The following PIMREG variants were observed in gnomAD, a reference collection of about 807,000 sequenced individuals.
PIMREG encodes the protein protein PIMREG.
PIMREG carries 19 observed loss-of-function variants against 24.3 expected under a neutral mutation model. The observed-to-expected ratio is 0.78, with a 90% confidence interval of 0.54 to 1.15. The LOEUF (loss-of-function observed/expected upper bound fraction) is 1.15. PIMREG is among the 50% of genes most tolerant of loss of function. The pLI is 0.00. For missense variants in PIMREG, 283 were observed against 306.8 expected (o/e 0.92, Z 0.58); for synonymous variants, 112 against 124.1 (o/e 0.90, Z 0.65).
chr17:6,450,976 A>G lies in PIMREG; in HGVS notation c.*629A>G, dbSNP rs2150707962. The G allele has an allele frequency of 6.5e-6, 1 of 152,672 alleles. No individual in the cohort carries two copies. Among genetic ancestry groups the G allele is most frequent in the South Asian group, 2.1e-4 (1 of 4,828 alleles). The allele number at this position is 152,672 out of a possible 1,614,324, so 9.5% of individuals were successfully genotyped here. A position where few individuals can be genotyped will look rare whatever the true frequency, so the allele number is the denominator to read the frequency against. ...TCTGCCCTTTGTAAATTATTTAAGA[A>G]ACCTGCTTTGTCATTTTATTAGAAA... On this transcript the variant is annotated 3_prime_UTR_variant, in exon 6 of 6. Transcript: ENST00000572447.
chr17:6,446,188 G>C (rs931390613), intron 2 of PIMREG: 1 of 401,110 alleles, frequency 2.5e-6, no homozygotes, highest in African/African-American at 2.1e-5. Context: ...TATATTGGAT[G>C]TAAGTGTCTG....
At chr17:6,449,244 C>G in intron 3 of PIMREG, 68 bp from the exon 4 acceptor site, 2 of 1,385,874 alleles carry the variant, frequency 1.4e-6, no homozygotes, top group South Asian at 1.3e-5. Flanking sequence ...CACCCCGGTA[C>G]CGGGTTGCAA....
At chr17:6,445,925 G>T (rs554327028) in intron 2 of PIMREG, among the ~76,000 whole-genome samples, 1 of 152,338 alleles carries the variant, frequency 6.6e-6, no homozygotes, top group African/African-American at 2.4e-5. Context: ...AGGGGGAAAG[G>T]ATATGAAGGA....
intron 2 of PIMREG, among the ~76,000 whole-genome samples, chr17:6,446,747 G>A (rs1913585710): frequency 6.6e-6 from 1 of 152,222 alleles, no homozygotes; most frequent in African/African-American, 2.4e-5. Context: ...AGGGTGGATA[G>A]AGTGAGTGAG....
chr17:6,447,570 C>CA lies in PIMREG; in HGVS notation c.403dup (p.Ser135LysfsTer66), dbSNP rs766613311. On this transcript the variant is annotated frameshift_variant, in exon 3 of 6. Coordinates refer to ENST00000572447, the MANE Select transcript of PIMREG (RefSeq NM_019013.3). LOFTEE classifies it high-confidence loss of function. The stretch of plus-strand genomic sequence containing the variant: ...AGAAGGGCAGTGGATCCCCAACTCA[C>CA]AGCCTGAGCCAGAAGAGCACCCGGC... The CA allele has an allele frequency of 7.4e-6, 12 of 1,614,164 alleles. No homozygotes were observed. Among genetic ancestry groups the CA allele is most frequent in the Non-Finnish European group, 1.0e-5 (12 of 1,180,024 alleles).
chr17:6,446,730 A>G (rs1477781668), intron 2 of PIMREG, among the ~76,000 whole-genome samples: 1 of 152,218 alleles, frequency 6.6e-6, no homozygotes, highest in Admixed American at 6.5e-5. Flanking sequence ...ACTATGGACC[A>G]CTGTGGAGGG....
At chr17:6,450,308 C>A in intron 5 of PIMREG, 54 bp from the exon 6 acceptor site, 1 of 1,458,548 alleles carries the variant, frequency 6.9e-7, no homozygotes, top group Non-Finnish European at 9.3e-7. Flanking sequence ...CAGGGAAAGG[C>A]ATCCCTACTT....
Position 6,448,054 on chromosome 17 carries a change from C to T in PIMREG, c.590+296C>T, listed in dbSNP as rs536725798. Among the ~76,000 whole-genome samples, 13 of 152,118 alleles carry T rather than the reference C, an allele frequency of 8.5e-5. No homozygotes were observed. In the South Asian group the frequency reaches 1.9e-3, roughly 22 times the overall value. Reference sequence around the variant, plus strand: ...ATCCCAGCACTTTGGGAGGCCGAGGCGGGTGGATCACCTGAGGTCAGGAGT... The same window carrying T: ...ATCCCAGCACTTTGGGAGGCCGAGGTGGGTGGATCACCTGAGGTCAGGAGT... On this transcript the variant is annotated intron_variant, in intron 3 of 5. Transcript: ENST00000572447.
In PIMREG at chr17:6,450,184, C is replaced by A. The variant is rs185387705; in HGVS notation, c.*14+112C>A. ...GATGGGCACAGCAGAGTAGGTAGTA[C>A]CTACTTGCCGCTTGAAGCCAGAGCT... On this transcript the variant is annotated intron_variant, in intron 5 of 5. Coordinates refer to ENST00000572447, the MANE Select transcript of PIMREG (RefSeq NM_019013.3). 2,960 of 1,270,438 alleles carry A rather than the reference C, an allele frequency of 2.3e-3. 5 individuals carry two copies. Among genetic ancestry groups the A allele is most frequent in the Non-Finnish European group, 2.1e-3 (1,810 of 881,080 alleles). The allele number at this position is 1,270,438 out of a possible 1,614,324, so 78.7% of individuals were successfully genotyped here.
chr17:6,446,907 G>A (rs1171507214), intron 2 of PIMREG, among the ~76,000 whole-genome samples: 1 of 152,200 alleles, frequency 6.6e-6, no homozygotes, highest in African/African-American at 2.4e-5. Flanking sequence ...CAGGCACCAG[G>A]GGGGTCCTCC....
Position 6,447,591 on chromosome 17 carries a change from C to T in PIMREG, c.423C>T (p.Thr141=), listed in dbSNP as rs149386182. Residue 141 remains threonine, a synonymous_variant, in exon 3 of 6, where the codon ACC becomes ACT. Transcript: ENST00000572447. ...CTCACAGCCTGAGCCAGAAGAGCACCCGGCTGTCTGGAGCCGCCCCTGCCC... is the reference window on the plus strand; with the variant it reads ...CTCACAGCCTGAGCCAGAAGAGCACTCGGCTGTCTGGAGCCGCCCCTGCCC... ...SPTHSLSQKS[T]RLSGAAPAHS... is the part of the protein sequence containing the mutation. 30 of 1,614,082 alleles carry T rather than the reference C, an allele frequency of 1.9e-5. No homozygotes were observed. The African/African-American group carries it at 3.7e-4, about 20-fold the overall frequency.
rs1233437656 is a variant in PIMREG, at chr17:6,447,706, G to A, written c.538G>A (p.Glu180Lys). 1 of 1,613,774 alleles carries A rather than the reference G, an allele frequency of 6.2e-7. No individual in the cohort carries two copies. ...CCACCCATTACGGCGATCAAGGCGG[G>A]AGGCTGCCTTCCGGAGCCCCTACTC... Reference protein sequence around the residue: ...HAHPLRRSRREAAFRSPYSST... With the variant: ...HAHPLRRSRRKAAFRSPYSST... The change falls in exon 3 of 6, where the codon GAG (glutamate) becomes AAG (lysine). Residue 180 changes from glutamate (E) to lysine (K), a missense_variant. By Grantham distance (56) the Glu-to-Lys change is moderately conservative. Coordinates refer to ENST00000572447, the MANE Select transcript of PIMREG (RefSeq NM_019013.3).
chr17:6,444,806 C>G lies in PIMREG; in HGVS notation c.-35-270C>G, dbSNP rs1913508580. On this transcript the variant is annotated intron_variant, in intron 1 of 5. Coordinates refer to ENST00000572447, the MANE Select transcript of PIMREG (RefSeq NM_019013.3). The surrounding 1 kb of genome is among the most constrained non-coding windows in gnomAD (Gnocchi z 4.3). ...CGGCTACGGCGTGTCTTGACCCTGC[C>G]TCCCCTCCTCGCCTGAGCCAGAGAG... 6.7e-6 allele frequency among the ~76,000 whole-genome samples: 1 copy of G among 148,792 alleles called. No individual in the cohort carries two copies. Among genetic ancestry groups the G allele is most frequent in the South Asian group, 2.1e-4 (1 of 4,768 alleles).
rs372815619 is a variant in PIMREG at position 6,447,412 on chromosome 17, G to A, written c.295-51G>A. 3.9e-4 allele frequency: 617 copies of A among 1,578,942 alleles called. No individual in the cohort carries two copies. The African/African-American group carries it at 6.7e-3, about 17-fold the overall frequency. ...ATTATAGGCGTGAGCCACCGCGCCC[G>A]GCCTAACTTTTGGTTTTGTCTGTGC... On this transcript the variant is annotated intron_variant, in intron 2 of 5. Coordinates refer to ENST00000572447, the MANE Select transcript of PIMREG (RefSeq NM_019013.3).
intron 4 of PIMREG, 87 bp downstream of exon 4, chr17:6,449,494 C>A (rs765774492): frequency 1.6e-6 from 2 of 1,273,012 alleles, no homozygotes; most frequent in Non-Finnish European, 2.2e-6. Context: ...TCTGCTCTGA[C>A]CTGCTGTGTG....
chr17:6,449,587 G>C, intron 4 of PIMREG, 180 bp downstream of exon 4: 1 of 1,055,136 alleles, frequency 9.5e-7, no homozygotes, highest in Middle Eastern at 2.3e-4. Flanking sequence ...GGACTGGGGT[G>C]ATGGTAAAGG....
At chr17:6,448,143 C>T (rs899030261) in intron 3 of PIMREG, among the ~76,000 whole-genome samples, 1 of 151,726 alleles carries the variant, frequency 6.6e-6, no homozygotes, top group East Asian at 1.9e-4. Flanking sequence ...ATTGGCTGGG[C>T]GTGGTGGTGC....
At chr17:6,449,568 C>T (rs1913729395) in intron 4 of PIMREG, 161 bp downstream of exon 4, 1 of 1,060,988 alleles carries the variant, frequency 9.4e-7, no homozygotes, top group Non-Finnish European at 1.3e-6. Context: ...TGAGAAAGGA[C>T]AAAATCCTGG....
At chr17:6,446,969 G>A (rs1042457007) in intron 2 of PIMREG, among the ~76,000 whole-genome samples, 21 of 152,206 alleles carry the variant, frequency 1.4e-4, no homozygotes, top group African/African-American at 2.7e-4. Context: ...GGTCCCAGCC[G>A]TGGACTCATT....
Sources: allele counts gnomAD v4.1 joint callset (sites outside exome capture counted in the v4.1 genomes callset), GRCh38; gene constraint gnomAD v4.1.1; non-coding constraint Gnocchi (gnomAD v3.1); transcripts MANE v1.5; gene names NCBI Gene and HGNC (gene_info 2026-07-23, HGNC 2026-07-21).